The following LMTK2 variants were observed in gnomAD, a reference collection of about 807,000 sequenced individuals.
The protein encoded by LMTK2 is serine/threonine-protein kinase LMTK2.
A neutral mutation model predicts 127.5 loss-of-function variants in LMTK2; 37 were observed. That is an observed-to-expected ratio of 0.29 (90% confidence interval 0.22 to 0.38). The LOEUF is 0.38. LMTK2 is among the 10% of genes least tolerant of loss of function. The pLI is 1.00. For synonymous variants in LMTK2, 819 were observed against 810.1 expected (o/e 1.01, Z -0.19); for missense variants, 1,694 against 1,920.3 (o/e 0.88, Z 2.20).
chr7:98,132,134 C>G (rs1796528372), intron 1 of LMTK2, among the ~76,000 whole-genome samples: 1 of 152,314 alleles, frequency 6.6e-6, no homozygotes, highest in Middle Eastern at 3.4e-3. Context: ...GAGTGTCAAT[C>G]AGAACAACCA....
chr7:98,137,988 TAA>T (rs1187308302), intron 2 of LMTK2, among the ~76,000 whole-genome samples: 12 of 152,280 alleles, frequency 7.9e-5, no homozygotes, highest in African/African-American at 2.9e-4. Context: ...TCAAGTTCCC[TAA>T]CAGGGAGGAG....
intron 13 of LMTK2, among the ~76,000 whole-genome samples, 200 bp from the exon 14 acceptor site, chr7:98,205,264 G>A (rs1210460064): frequency 6.6e-6 from 1 of 152,238 alleles, no homozygotes; most frequent in Non-Finnish European, 1.5e-5. Flanking sequence ...GCGCCCAGCG[G>A]GCATTTGAGC....
In LMTK2 at chr7:98,193,653, G is replaced by A. The variant is rs1284228224; in HGVS notation, c.3188G>A (p.Gly1063Asp). The A allele has an allele frequency of 1.7e-5, 28 of 1,613,784 alleles. No homozygotes were observed. The highest frequency in any genetic ancestry group is 2.3e-5 in the Non-Finnish European group (27 of 1,180,040). ...DSEPATTGDG[G>D]HSGLPPNPVI... is the part of the protein sequence containing the mutation. ...GAACCAGCCACCACGGGCGATGGCG[G>A]CCACAGCGGTCTGCCTCCCAACCCG... Residue 1063 changes from glycine (G) to aspartate (D), a missense_variant, in exon 11 of 14, where the codon GGC (glycine) becomes GAC (aspartate). Physicochemically the swap from Gly to Asp is moderately conservative, Grantham distance 94. Around this residue, in one of 8 missense-constraint regions of LMTK2, gnomAD observed 65 missense variants for 116.5 expected, o/e 0.56. Transcript: ENST00000297293. The surrounding 1 kb of genome is among the most constrained non-coding windows in gnomAD (Gnocchi z 4.1).
At chr7:98,160,782 G>A (rs540651585) in intron 6 of LMTK2, among the ~76,000 whole-genome samples, 1 of 152,222 alleles carries the variant, frequency 6.6e-6, no homozygotes, top group Admixed American at 6.5e-5. Context: ...CTGTTATGTA[G>A]GCATGAACAT....
At chr7:98,107,303 C>A (rs1343875421) in intron 1 of LMTK2, 23 bp downstream of exon 1, 29 of 1,032,636 alleles carry the variant, frequency 2.8e-5, no homozygotes, top group Non-Finnish European at 3.0e-5. Context: ...GCGGCGGGGA[C>A]GGGGCTGCGG....
At chr7:98,152,474 T>C (rs1796873017) in intron 4 of LMTK2, among the ~76,000 whole-genome samples, 1 of 152,222 alleles carries the variant, frequency 6.6e-6, no homozygotes, top group South Asian at 2.1e-4. Context: ...CAGCAAAACC[T>C]GTTACGTAGC....
At position 98,208,787 on chromosome 7, in the gene LMTK2, C is replaced by T. The variant is rs1055204084; in HGVS notation, c.*3295C>T. 20 of 152,160 alleles carry T rather than the reference C, an allele frequency of 1.3e-4. No individual in the cohort carries two copies. Among genetic ancestry groups the T allele is most frequent in the African/African-American group, 4.8e-4 (20 of 41,440 alleles). The allele number at this position is 152,160 out of a possible 1,614,324, so 9.4% of individuals were successfully genotyped here. Reference sequence around the variant, plus strand: ...AAGGGTGCAGAAAGCTCGACCAAGCCGAATTGCAAACAACGTTCGTTCTAT... The same window carrying T: ...AAGGGTGCAGAAAGCTCGACCAAGCTGAATTGCAAACAACGTTCGTTCTAT... On this transcript the variant is annotated 3_prime_UTR_variant, in exon 14 of 14. Coordinates refer to ENST00000297293, the MANE Select transcript of LMTK2 (RefSeq NM_014916.4).
At position 98,127,813 on chromosome 7, in the gene LMTK2, C is replaced by T. The variant is rs1035114162; in HGVS notation, c.104-9502C>T. Among the ~76,000 whole-genome samples, 12 of 152,154 alleles carry T rather than the reference C, an allele frequency of 7.9e-5. No homozygotes were observed. In the East Asian group the frequency reaches 1.3e-3, roughly 17 times the overall value. ...TGCCTGTATCAGAGCGTCACACATA[C>T]GCCATAAATATATACACCTATTTGT... is the stretch of plus-strand genomic sequence containing the variant. On this transcript the variant is annotated intron_variant, in intron 1 of 13. Transcript: ENST00000297293.
intron 3 of LMTK2, among the ~76,000 whole-genome samples, chr7:98,147,229 C>CT (rs111286597): frequency 4.5e-4 from 65 of 144,008 alleles, no homozygotes; most frequent in Non-Finnish European, 4.8e-4. Context: ...GTTTATGTTA[C>CT]TTTTTTTTTT....
chr7:98,140,115 T>G (rs140959710), intron 2 of LMTK2, among the ~76,000 whole-genome samples: 851 of 5,024 alleles, frequency 0.17, 62 homozygotes, highest in East Asian at 0.47. Context: ...TCTTTCTTTC[T>G]TTCTTTCTTT....
In LMTK2 at chr7:98,192,097, C is replaced by T. The variant is rs1192967570; in HGVS notation, c.1632C>T (p.Asn544=). 2 of 1,561,052 alleles carry T rather than the reference C, an allele frequency of 1.3e-6. No homozygotes were observed. Among genetic ancestry groups the T allele is most frequent in the Non-Finnish European group, 1.7e-6 (2 of 1,155,794 alleles). Residue 544 remains asparagine, a synonymous_variant, in exon 11 of 14, where the codon AAC becomes AAT. Coordinates refer to ENST00000297293, the MANE Select transcript of LMTK2 (RefSeq NM_014916.4). The part of the protein sequence containing the change: ...PGVVPVFDAH[N]LSVGSDYYIQ... ...TGGTTCCTGTTTTTGATGCCCACAA[C>T]CTTTCTGTTGGAAGCGACTATTATA...
chr7:98,188,126 C>T (rs74864287), intron 9 of LMTK2, among the ~76,000 whole-genome samples: 1,900 of 152,274 alleles, frequency 0.012, 20 homozygotes, highest in Admixed American at 0.022. Context: ...ATTTTGTATT[C>T]GTTAGTCAGC....
intron 6 of LMTK2, among the ~76,000 whole-genome samples, chr7:98,167,447 A>T (rs1485251291): frequency 2.0e-5 from 3 of 152,178 alleles, no homozygotes; most frequent in Non-Finnish European, 4.4e-5. Context: ...GGCCGCAGGG[A>T]GACTGGCGCA....
Position 98,193,493 on chromosome 7 carries a change from C to A in LMTK2, c.3028C>A (p.Leu1010Met). Reference sequence around the variant, plus strand: ...GTCAGTGGATGTCCACGAAGCGCTACTGGACTCTTTAGGATCTCACACTCC... The same window carrying A: ...GTCAGTGGATGTCCACGAAGCGCTAATGGACTCTTTAGGATCTCACACTCC... Reference protein sequence around the residue: ...LESVDVHEALLDSLGSHTPQK... With the variant: ...LESVDVHEALMDSLGSHTPQK... Residue 1010 changes from leucine to methionine, a missense_variant, in exon 11 of 14, where the codon CTG becomes ATG. By Grantham distance (15) the Leu-to-Met change is conservative (BLOSUM62 2). This residue lies in a region of LMTK2 where 65 missense variants were observed against 116.5 expected (regional missense o/e 0.56). Transcript: ENST00000297293. This position sits in a 1 kb window ranked among gnomAD's most constrained non-coding sequence, Gnocchi z 4.1. 1 of 1,614,162 alleles carries A rather than the reference C, an allele frequency of 6.2e-7. No individual in the cohort carries two copies. The highest frequency in any genetic ancestry group is 1.1e-5 in the South Asian group (1 of 91,084).
intron 10 of LMTK2, 34 bp from the exon 11 acceptor site, chr7:98,191,580 T>C (rs745369128): frequency 4.2e-5 from 63 of 1,500,162 alleles, no homozygotes; most frequent in Non-Finnish European, 5.2e-5. Flanking sequence ...AAATTCGTGA[T>C]GGTTCCACTG....
rs561243189 is a variant in LMTK2, at chr7:98,113,452, C to T, written c.103+6172C>T. Reference sequence around the variant, plus strand: ...TGTAAGAATGGACTAATACAGCTGGCGTCTCACTGTGTTGCCCAGGCTGGT... The same window carrying T: ...TGTAAGAATGGACTAATACAGCTGGTGTCTCACTGTGTTGCCCAGGCTGGT... On this transcript the variant is annotated intron_variant, in intron 1 of 13. Transcript: ENST00000297293. Among the ~76,000 whole-genome samples the T allele has an allele frequency of 5.3e-5, 8 of 152,116 alleles. No individual in the cohort carries two copies. The South Asian group carries it at 6.2e-4, about 12-fold the overall frequency.
chr7:98,136,516 T>C lies in LMTK2; in HGVS notation c.104-799T>C, dbSNP rs111478313. Among the ~76,000 whole-genome samples the C allele has an allele frequency of 6.7e-3, 1,023 of 152,316 alleles. 9 individuals are homozygous for C. The highest frequency in any genetic ancestry group is 0.027 in the Middle Eastern group (8 of 292). On this transcript the variant is annotated intron_variant, in intron 1 of 13. Coordinates refer to ENST00000297293, the MANE Select transcript of LMTK2 (RefSeq NM_014916.4). ...TTTAACCTGTGTCTACAGACTCTAC[T>C]ACTCCTCCCTCCAGGAAGTACAGCT...
At chr7:98,129,353 T>G in intron 1 of LMTK2, among the ~76,000 whole-genome samples, 1 of 123,128 alleles carries the variant, frequency 8.1e-6, no homozygotes, top group South Asian at 2.8e-4. Context: ...ATAAGTTTAT[T>G]CAGTTTTGTT....
At chr7:98,203,842 C>G in intron 12 of LMTK2, 102 bp from the exon 13 acceptor site, 1 of 1,574,446 alleles carries the variant, frequency 6.4e-7, no homozygotes, top group South Asian at 1.1e-5. Context: ...CCAGCCGGGC[C>G]GGGCTGTGTC....
Sources: allele counts gnomAD v4.1 joint callset (sites outside exome capture counted in the v4.1 genomes callset), GRCh38; gene constraint gnomAD v4.1.1; regional missense constraint gnomAD v4.1.1; non-coding constraint Gnocchi (gnomAD v3.1); transcripts MANE v1.5; gene names NCBI Gene and HGNC (gene_info 2026-07-23, HGNC 2026-07-21).